Variants in CNTN3 observed in about 807,000 individuals in gnomAD.
CNTN3 encodes the protein contactin-3.
A neutral mutation model predicts 119.1 loss-of-function variants in CNTN3; 60 were observed. The ratio of observed to expected loss-of-function variants is 0.50; its 90% CI spans 0.41 to 0.62. CNTN3 has a LOEUF of 0.62. Ranked by LOEUF, CNTN3 falls within the 20% of genes least tolerant of loss-of-function variation. The pLI, the probability that CNTN3 is intolerant of heterozygous loss-of-function variation, is 0.00. For synonymous variants in CNTN3, 450 were observed against 438.7 expected (o/e 1.03, Z -0.32); for missense variants, 1,101 against 1,242.4 (o/e 0.89, Z 1.71).
intron 5 of CNTN3, among the ~76,000 whole-genome samples, chr3:74,385,965 C>G (rs1704735769): frequency 6.6e-6 from 1 of 152,282 alleles, no homozygotes; most frequent in East Asian, 1.9e-4. Flanking sequence ...AATAACTGAT[C>G]TTGGCAACTT....
intron 5 of CNTN3, among the ~76,000 whole-genome samples, chr3:74,406,905 A>T (rs1705339111): frequency 6.6e-6 from 1 of 152,192 alleles, no homozygotes; most frequent in African/African-American, 2.4e-5. Flanking sequence ...GAGGACATGT[A>T]CTTACTAATT....
chr3:74,596,410 G>A (rs1704810762), intron 1 of CNTN3, among the ~76,000 whole-genome samples: 1 of 152,124 alleles, frequency 6.6e-6, no homozygotes, highest in African/African-American at 2.4e-5. Context: ...CAAAGCTGGA[G>A]GCCTCACGCT....
intron 11 of CNTN3, among the ~76,000 whole-genome samples, chr3:74,339,453 C>T (rs577650610): frequency 6.6e-6 from 1 of 152,172 alleles, no homozygotes; most frequent in African/African-American, 2.4e-5. Context: ...TCTGGTTGAC[C>T]TGTATTCATC....
chr3:74,321,594 G>A (rs773305137), intron 13 of CNTN3, among the ~76,000 whole-genome samples: 88 of 151,976 alleles, frequency 5.8e-4, no homozygotes, highest in Non-Finnish European at 1.0e-3. Context: ...AGTCAACAAA[G>A]GAAATCAGCA....
intron 1 of CNTN3, among the ~76,000 whole-genome samples, chr3:74,526,896 T>C (rs1282853383): frequency 6.6e-6 from 1 of 151,854 alleles, no homozygotes; most frequent in Non-Finnish European, 1.5e-5. Context: ...CTTCAAAAAA[T>C]AGTGATTTGT....
chr3:74,285,169 G>T, intron 20 of CNTN3, 136 bp downstream of exon 20: 2 of 927,674 alleles, frequency 2.2e-6, no homozygotes, highest in Non-Finnish European at 3.2e-6. Flanking sequence ...GGGTTTTGGA[G>T]TTAGGTTTTG....
intron 4 of CNTN3, among the ~76,000 whole-genome samples, chr3:74,452,254 G>A (rs370516424): frequency 1.4e-5 from 2 of 139,978 alleles, no homozygotes; most frequent in African/African-American, 5.5e-5. Flanking sequence ...TGGATTCCTA[G>A]GTATTTTATT....
At chr3:74,365,445 T>C in intron 9 of CNTN3, 121 bp downstream of exon 9, 1 of 1,248,998 alleles carries the variant, frequency 8.0e-7, no homozygotes, top group Non-Finnish European at 1.2e-6. Flanking sequence ...TAAAGGAAAG[T>C]GTGCAAACTC....
intron 1 of CNTN3, among the ~76,000 whole-genome samples, chr3:74,580,138 C>T (rs1048289457): frequency 4.6e-5 from 7 of 152,074 alleles, no homozygotes; most frequent in East Asian, 1.9e-4. Flanking sequence ...AATAAATTCA[C>T]GACATTTGAT....
intron 1 of CNTN3, among the ~76,000 whole-genome samples, chr3:74,613,672 A>G (rs920106240): frequency 1.4e-4 from 21 of 152,206 alleles, no homozygotes; most frequent in African/African-American, 4.8e-4. Flanking sequence ...ACGCGACCAG[A>G]AAAAATTCCT....
At chr3:74,458,537 C>G (rs1371577812) in intron 4 of CNTN3, among the ~76,000 whole-genome samples, 1 of 152,010 alleles carries the variant, frequency 6.6e-6, no homozygotes, top group Non-Finnish European at 1.5e-5. Flanking sequence ...TTCCATAGTA[C>G]AAAGGCAGAA....
At chr3:74,596,150 A>G (rs1431822696) in intron 1 of CNTN3, among the ~76,000 whole-genome samples, 1 of 152,168 alleles carries the variant, frequency 6.6e-6, no homozygotes, top group Admixed American at 6.5e-5. Context: ...GACCTCTTCA[A>G]GGAGAACTAC....
chr3:74,443,697 C>T, intron 4 of CNTN3, among the ~76,000 whole-genome samples: 1 of 152,156 alleles, frequency 6.6e-6, no homozygotes, highest in East Asian at 1.9e-4. Context: ...TGGCTAACTA[C>T]TATTAATCCC....
chr3:74,473,246 T>G (rs1162773108), intron 4 of CNTN3, among the ~76,000 whole-genome samples: 1 of 151,612 alleles, frequency 6.6e-6, no homozygotes, highest in Non-Finnish European at 1.5e-5. Flanking sequence ...AGATGCTATC[T>G]TATATATCTG....
At chr3:74,319,157 A>G (rs1702915522) in intron 13 of CNTN3, among the ~76,000 whole-genome samples, 1 of 152,180 alleles carries the variant, frequency 6.6e-6, no homozygotes, top group African/African-American at 2.4e-5. Context: ...CAGAATTGGA[A>G]AAAACTACTT....
At chr3:74,301,206 T>A (rs1008253692) in intron 16 of CNTN3, among the ~76,000 whole-genome samples, 192 bp downstream of exon 16, 1 of 152,218 alleles carries the variant, frequency 6.6e-6, no homozygotes, top group African/African-American at 2.4e-5. Flanking sequence ...GGAAATGTCA[T>A]ACTACATCAG....
intron 11 of CNTN3, among the ~76,000 whole-genome samples, chr3:74,345,359 G>A (rs899596274): frequency 5.3e-5 from 8 of 152,176 alleles, no homozygotes; most frequent in Admixed American, 1.3e-4. Context: ...CAATGGACTC[G>A]TTTAAGCATC....
At chr3:74,482,965 GT>G (rs772108251) in intron 4 of CNTN3, among the ~76,000 whole-genome samples, 2 of 151,938 alleles carry the variant, frequency 1.3e-5, no homozygotes, top group Non-Finnish European at 2.9e-5. Context: ...ATCTTCTTTG[GT>G]TTTTTATCAG....
intron 4 of CNTN3, among the ~76,000 whole-genome samples, chr3:74,458,363 G>T (rs1307972560): frequency 6.6e-6 from 1 of 151,936 alleles, no homozygotes; most frequent in East Asian, 1.9e-4. Flanking sequence ...GTTTTTGTCT[G>T]GTCTGAGAGC....
Sources: allele counts gnomAD v4.1 joint callset (sites outside exome capture counted in the v4.1 genomes callset), GRCh38; gene constraint gnomAD v4.1.1; transcripts MANE v1.5; gene names NCBI Gene and HGNC (gene_info 2026-07-23, HGNC 2026-07-21).